Variants in DNAAF19 observed in about 807,000 individuals in gnomAD.
DNAAF19 encodes coiled-coil domain containing 103.
At chr17:44,904,693 C>T in the DNAAF19 span, 4 of 1,550,612 alleles carry the variant, frequency 2.6e-6, no homozygotes, top group Non-Finnish European at 3.5e-6. Context: ...TCATCATCTC[C>T]TGTCCTGGGG....
the DNAAF19 span, chr17:44,902,682 G>A: frequency 9.4e-5 from 151 of 1,614,016 alleles, no homozygotes; most frequent in Non-Finnish European, 1.2e-4. Flanking sequence ...TTCAGAAGCT[G>A]CAAGCCATGG....
the DNAAF19 span, chr17:44,904,349 G>A: frequency 6.5e-7 from 1 of 1,542,740 alleles, no homozygotes; most frequent in African/African-American, 1.4e-5. Context: ...CACCTTCTGG[G>A]AATGGACCCC....
the DNAAF19 span, chr17:44,903,705 C>T: frequency 6.9e-7 from 1 of 1,440,022 alleles, no homozygotes. Flanking sequence ...ATTGTTGCTG[C>T]TTTTCCTGGC....
chr17:44,902,679 G>A, the DNAAF19 span: 1 of 1,614,184 alleles, frequency 6.2e-7, no homozygotes, highest in Non-Finnish European at 8.5e-7. Flanking sequence ...TGTTTCAGAA[G>A]CTGCAAGCCA....
chr17:44,902,437 C>T, the DNAAF19 span: 2 of 1,614,220 alleles, frequency 1.2e-6, no homozygotes, highest in Non-Finnish European at 1.7e-6. Flanking sequence ...GCCAAGTGGG[C>T]CAGAGCGCTA....
At chr17:44,903,611 T>C in the DNAAF19 span, 1 of 1,398,702 alleles carries the variant, frequency 7.1e-7, no homozygotes, top group Non-Finnish European at 9.3e-7. Flanking sequence ...CCCCCCACCC[T>C]GAGATCAGGT....
chr17:44,903,508 G>C, the DNAAF19 span: 2 of 1,280,692 alleles, frequency 1.6e-6, no homozygotes, highest in African/African-American at 3.1e-5. Context: ...ACCTCGGCCC[G>C]CCCTTCTCAT....
the DNAAF19 span, chr17:44,902,717 G>A: frequency 6.2e-7 from 1 of 1,613,320 alleles, no homozygotes; most frequent in South Asian, 1.1e-5. Flanking sequence ...GTGAAGGAGG[G>A]GCTCAGCTGG....
chr17:44,904,109 C>T, the DNAAF19 span: 8 of 1,550,596 alleles, frequency 5.2e-6, no homozygotes, highest in African/African-American at 2.7e-5. Context: ...AGCCCAGGTA[C>T]GTGTGGGCAG....
At chr17:44,903,442 AC>A in the DNAAF19 span, 2 of 1,251,784 alleles carry the variant, frequency 1.6e-6, no homozygotes, top group Non-Finnish European at 2.0e-6. Context: ...AGACTTTTCC[AC>A]CAGGCTGGCA....
the DNAAF19 span, chr17:44,903,596 T>A: frequency 1.4e-6 from 2 of 1,404,736 alleles, no homozygotes; most frequent in Non-Finnish European, 9.2e-7. Flanking sequence ...CTAGAATGGC[T>A]TTCCCCCCCC....
At chr17:44,905,026 TTGC>T in the DNAAF19 span, 1 of 1,549,504 alleles carries the variant, frequency 6.5e-7, no homozygotes, top group Non-Finnish European at 8.7e-7. Context: ...ACTTCTGTCG[TTGC>T]TGCTGCTACT....
the DNAAF19 span, chr17:44,903,073 G>A: frequency 1.5e-6 from 2 of 1,368,492 alleles, no homozygotes; most frequent in Non-Finnish European, 1.9e-6. Flanking sequence ...CACCCTTAGA[G>A]TCTGCCAAGC....
chr17:44,901,720 ATTTTGTTTTG>A, the DNAAF19 span: 9 of 1,559,180 alleles, frequency 5.8e-6, no homozygotes, highest in South Asian at 2.4e-5. Flanking sequence ...CTGTTTTTTC[ATTTTGTTTTG>A]TTTTGTTTTG....
chr17:44,901,536 TCA>T, the DNAAF19 span: 1 of 1,614,146 alleles, frequency 6.2e-7, no homozygotes, highest in East Asian at 2.2e-5. Context: ...TGTCCTTGCA[TCA>T]CATCTGAAGC....
chr17:44,900,605 TC>T, the DNAAF19 span, among the ~76,000 whole-genome samples: 73 of 152,094 alleles, frequency 4.8e-4, no homozygotes, highest in South Asian at 8.3e-4. Flanking sequence ...TTGTGTGAGG[TC>T]CCCTGTCGAA....
At chr17:44,904,192 C>A in the DNAAF19 span, 1 of 1,550,554 alleles carries the variant, frequency 6.4e-7, no homozygotes, top group South Asian at 1.2e-5. Flanking sequence ...AGGACTCAGG[C>A]CTGTACTTCT....
At chr17:44,900,540 A>G in the DNAAF19 span, among the ~76,000 whole-genome samples, 7 of 152,134 alleles carry the variant, frequency 4.6e-5, no homozygotes, top group Non-Finnish European at 7.4e-5. Context: ...AAGACATTCA[A>G]TGAAGAATGA....
the DNAAF19 span, chr17:44,904,636 G>A: frequency 3.9e-5 from 61 of 1,550,568 alleles, no homozygotes; most frequent in East Asian, 1.5e-3. Flanking sequence ...GGCCCTGGGT[G>A]CCCCAGGTGC....
Sources: allele counts gnomAD v4.1 joint callset (sites outside exome capture counted in the v4.1 genomes callset), GRCh38; gene constraint gnomAD v4.1.1; transcripts MANE v1.5; gene names NCBI Gene and HGNC (gene_info 2026-07-23, HGNC 2026-07-21).